The following CADPS2 variants were observed in gnomAD, a reference collection of about 807,000 sequenced individuals.
The protein encoded by CADPS2 is calcium-dependent secretion activator 2.
In CADPS2, 93 loss-of-function variants were observed where a neutral mutation model predicts 172.5. That is an observed-to-expected ratio of 0.54 (90% CI 0.46 to 0.64). The LOEUF is 0.64. Among genes scored for constraint, CADPS2 ranks in the 30% least tolerant of loss-of-function variants. The probability of loss-of-function intolerance (pLI) is 0.00; values close to 1 mark genes in which losing one functional copy is unlikely to be tolerated. For synonymous variants in CADPS2, 546 were observed against 555.2 expected (o/e 0.98, Z 0.23); for missense variants, 1,420 against 1,565.9 (o/e 0.91, Z 1.57).
intron 5 of CADPS2, among the ~76,000 whole-genome samples, chr7:122,617,817 G>A (rs1165028090): frequency 6.6e-6 from 1 of 152,162 alleles, no homozygotes; most frequent in Non-Finnish European, 1.5e-5. Flanking sequence ...GCCAAGGCGG[G>A]CATATCATGA....
At chr7:122,837,804 A>G (rs887919408) in intron 1 of CADPS2, among the ~76,000 whole-genome samples, 5 of 152,190 alleles carry the variant, frequency 3.3e-5, no homozygotes, top group Non-Finnish European at 5.9e-5. Flanking sequence ...ACCAACCAAT[A>G]AAAGTCCAGC....
At chr7:122,726,176 C>T (rs986707025) in intron 2 of CADPS2, among the ~76,000 whole-genome samples, 1 of 151,658 alleles carries the variant, frequency 6.6e-6, no homozygotes, top group Non-Finnish European at 1.5e-5. Context: ...CTGTCAATGA[C>T]AAAAATGAAT....
intron 20 of CADPS2, among the ~76,000 whole-genome samples, chr7:122,402,136 T>A (rs945581297): frequency 6.6e-6 from 1 of 152,192 alleles, no homozygotes; most frequent in African/African-American, 2.4e-5. Context: ...GTTCCTAACA[T>A]ACATGCTGAG....
intron 8 of CADPS2, among the ~76,000 whole-genome samples, chr7:122,539,829 T>C (rs183846649): frequency 0.016 from 1,652 of 105,768 alleles, 32 homozygotes; most frequent in African/African-American, 0.041. Flanking sequence ...GTCTCTCTCT[T>C]TCTTTCTTTA....
intron 1 of CADPS2, among the ~76,000 whole-genome samples, chr7:122,764,300 C>G (rs575776727): frequency 1.3e-5 from 2 of 152,264 alleles, no homozygotes; most frequent in African/African-American, 4.8e-5. Context: ...CTTATTTCCT[C>G]TCTACTTGAA....
intron 3 of CADPS2, among the ~76,000 whole-genome samples, chr7:122,655,591 T>C (rs943375420): frequency 6.6e-6 from 1 of 150,922 alleles, no homozygotes; most frequent in Non-Finnish European, 1.5e-5. Context: ...ATAAATTTTA[T>C]ATGCAGTGTG....
chr7:122,663,165 A>G lies in CADPS2; in HGVS notation c.786+72T>C, dbSNP rs1320471807. 20 of 1,125,558 alleles carry G rather than the reference A, an allele frequency of 1.8e-5. No homozygotes were observed. In the Admixed American group the frequency reaches 4.9e-4, roughly 28 times the overall value. 69.7% of individuals were successfully genotyped at this position (1,125,558 alleles called of 1,614,324 possible). ...ATTATAGCAAGTAAAGGACATCTTC[A>G]TAGGCTTGTAAATACTTCATGTTCA... On this transcript the variant is annotated intron_variant, in intron 3 of 29. Transcript: ENST00000449022.
chr7:122,730,804 T>C (rs763132501), intron 2 of CADPS2, among the ~76,000 whole-genome samples: 5 of 151,714 alleles, frequency 3.3e-5, no homozygotes, highest in Non-Finnish European at 7.4e-5. Context: ...TTATTTTAAA[T>C]ATTTCTTAAA....
intron 1 of CADPS2, among the ~76,000 whole-genome samples, chr7:122,796,630 A>G (rs1796429522): frequency 6.6e-6 from 1 of 152,224 alleles, no homozygotes; most frequent in Non-Finnish European, 1.5e-5. Flanking sequence ...TCCCTATTCA[A>G]TAAATGGTGC....
Position 122,480,863 on chromosome 7 carries a change from A to T in CADPS2, c.1853-3T>A. ...ATGAAAATACTTACCTTTACCAGCTACAGGTCAGCAAAGAAATGAGAAACA... is the reference window on the plus strand; with the variant it reads ...ATGAAAATACTTACCTTTACCAGCTTCAGGTCAGCAAAGAAATGAGAAACA... On this transcript the variant is annotated splice_region_variant and splice_polypyrimidine_tract_variant and intron_variant, in intron 11 of 29. Coordinates refer to ENST00000449022, the MANE Select transcript of CADPS2 (RefSeq NM_017954.11). 2 of 1,520,632 alleles carry T rather than the reference A, an allele frequency of 1.3e-6. No homozygotes were observed. Among genetic ancestry groups the T allele is most frequent in the Non-Finnish European group, 1.8e-6 (2 of 1,137,442 alleles). The allele number at this position is 1,520,632 out of a possible 1,614,324, so 94.2% of individuals were successfully genotyped here. A position where few individuals can be genotyped will look rare whatever the true frequency, so the allele number is the denominator to read the frequency against.
intron 22 of CADPS2, among the ~76,000 whole-genome samples, chr7:122,391,882 G>A (rs1346514185): frequency 6.6e-6 from 1 of 152,072 alleles, no homozygotes; most frequent in Non-Finnish European, 1.5e-5. Flanking sequence ...ATAGGAGTGA[G>A]GAATTTGTAG....
intron 1 of CADPS2, among the ~76,000 whole-genome samples, chr7:122,805,789 A>G (rs1280154548): frequency 6.6e-6 from 1 of 152,178 alleles, no homozygotes; most frequent in East Asian, 1.9e-4. Context: ...ATAACTCACA[A>G]GAGAGACTTC....
intron 22 of CADPS2, among the ~76,000 whole-genome samples, chr7:122,389,546 A>G (rs1037203702): frequency 3.3e-5 from 5 of 152,042 alleles, no homozygotes; most frequent in Non-Finnish European, 5.9e-5. Context: ...CTAGAAGGTA[A>G]CTTATAGAAG....
chr7:122,565,231 TAA>T (rs11304570), intron 7 of CADPS2, among the ~76,000 whole-genome samples: 15 of 142,444 alleles, frequency 1.1e-4, no homozygotes, highest in East Asian at 6.1e-4. Flanking sequence ...TTTATAGAAT[TAA>T]AAAAAAAAAA....
intron 19 of CADPS2, among the ~76,000 whole-genome samples, chr7:122,413,589 T>A (rs1487332809): frequency 1.3e-5 from 2 of 152,162 alleles, no homozygotes; most frequent in Non-Finnish European, 2.9e-5. Flanking sequence ...GGCAGATACA[T>A]TAACCTCCAC....
At chr7:122,691,179 G>C (rs575449160) in intron 2 of CADPS2, among the ~76,000 whole-genome samples, 2 of 152,324 alleles carry the variant, frequency 1.3e-5, no homozygotes, top group African/African-American at 4.8e-5. Context: ...TATCAGGTAA[G>C]TCGTCCATAT....
intron 1 of CADPS2, chr7:122,850,324 C>T (rs1813209275): frequency 2.1e-6 from 1 of 467,800 alleles, no homozygotes. Flanking sequence ...CCAATGCAGA[C>T]ATGGACTTCT....
intron 22 of CADPS2, among the ~76,000 whole-genome samples, chr7:122,392,567 T>G (rs2044514501): frequency 6.6e-6 from 1 of 152,154 alleles, no homozygotes; most frequent in Non-Finnish European, 1.5e-5. Flanking sequence ...AGTTGCTGAT[T>G]CTGCAATAGG....
chr7:122,713,343 A>G (rs1319957333), intron 2 of CADPS2, among the ~76,000 whole-genome samples: 2 of 152,088 alleles, frequency 1.3e-5, no homozygotes, highest in African/African-American at 4.8e-5. Context: ...TAGGCAACCT[A>G]TCTAAACTCA....
Sources: allele counts gnomAD v4.1 joint callset (sites outside exome capture counted in the v4.1 genomes callset), GRCh38; gene constraint gnomAD v4.1.1; transcripts MANE v1.5; gene names NCBI Gene and HGNC (gene_info 2026-07-23, HGNC 2026-07-21).